RYR1: variants seen among roughly 807,000 people sequenced by gnomAD.
The protein encoded by RYR1 is central core disease of muscle.
Under a neutral mutation model 583.5 loss-of-function variants are expected in RYR1, and 342 were observed. That is an observed-to-expected ratio of 0.59 (90% CI 0.54 to 0.64). The LOEUF is 0.64. Among genes scored for constraint, RYR1 ranks in the 30% least tolerant of loss-of-function variants. The pLI, the probability that RYR1 is intolerant of heterozygous loss-of-function variation, is 0.00. For missense variants in RYR1, 6,032 were observed against 6,917.2 expected (o/e 0.87, Z 4.54); for synonymous variants, 2,791 against 2,822.5 (o/e 0.99, Z 0.35).
In RYR1 at chr19:38,490,608, G is replaced by C; in HGVS notation, c.6016-13G>C. On this transcript the variant is annotated splice_polypyrimidine_tract_variant and intron_variant, in intron 36 of 105. Coordinates refer to ENST00000359596, the MANE Select transcript of RYR1 (RefSeq NM_000540.3). ...ATCTCAGACCCTCATTCTAATCTTTGACCTTCCCCTAGATCAATATGCTAT... is the reference window on the plus strand; with the variant it reads ...ATCTCAGACCCTCATTCTAATCTTTCACCTTCCCCTAGATCAATATGCTAT... The C allele has an allele frequency of 6.5e-7, 1 of 1,542,290 alleles. No individual in the cohort carries two copies.
At chr19:38,513,984 A>AT (rs1370338742) in intron 63 of RYR1, among the ~76,000 whole-genome samples, 1 of 151,988 alleles carries the variant, frequency 6.6e-6, no homozygotes, top group Non-Finnish European at 1.5e-5. Context: ...AATGTCTTTG[A>AT]TTTTTTTAAA....
chr19:38,436,835 C>G (rs1010775004), intron 1 of RYR1, among the ~76,000 whole-genome samples: 2 of 152,064 alleles, frequency 1.3e-5, no homozygotes, highest in Non-Finnish European at 2.9e-5. Flanking sequence ...ACAGCCCCCC[C>G]AAACTGATTT....
At position 38,565,278 on chromosome 19, in the gene RYR1, G is replaced by T. The variant is rs1013126996; in HGVS notation, c.12944G>T (p.Arg4315Leu). ...GGCCTCAGCTACCGCAGCCTGCGGC[G>T]GCGCGTGCGGCGGCTGCGGCGGCTT... ...LRGLSYRSLR[R>L]RVRRLRRLTA... Residue 4315 changes from arginine to leucine, a missense_variant, in exon 91 of 106, where the codon CGG (arginine) becomes CTG (leucine). Physicochemically the swap from Arg to Leu is moderately radical, Grantham distance 102. This residue lies in a region of RYR1 where 753 missense variants were observed against 759.6 expected (regional missense o/e 0.99). Transcript: ENST00000359596. This position sits in a 1 kb window ranked among gnomAD's most constrained non-coding sequence, Gnocchi z 4.7. 1 of 999,438 alleles carries T rather than the reference G, an allele frequency of 1.0e-6. No individual in the cohort carries two copies. Among genetic ancestry groups the T allele is most frequent in the Non-Finnish European group, 1.2e-6 (1 of 840,914 alleles). The allele number at this position is 999,438 out of a possible 1,614,324, so 61.9% of individuals were successfully genotyped here.
At chr19:38,539,163 T>G (rs563539252) in intron 84 of RYR1, among the ~76,000 whole-genome samples, 1 of 152,274 alleles carries the variant, frequency 6.6e-6, no homozygotes, top group South Asian at 2.1e-4. Flanking sequence ...TCTTGAATTT[T>G]CAAAAGCTCT....
chr19:38,477,499 G>A (rs1184650320), intron 29 of RYR1, among the ~76,000 whole-genome samples: 1 of 152,148 alleles, frequency 6.6e-6, no homozygotes, highest in East Asian at 1.9e-4. Context: ...ATATGGCACT[G>A]TCACACAATA....
Position 38,466,227 on chromosome 19 carries a change from G to C in RYR1, c.3007G>C (p.Gly1003Arg). The C allele has an allele frequency of 6.2e-7, 1 of 1,613,460 alleles. No homozygotes were observed. The highest frequency in any genetic ancestry group is 8.5e-7 in the Non-Finnish European group (1 of 1,179,972). ...NVWARDRVGQ[G>R]WSYSAVQDIP... Reference sequence around the variant, plus strand: ...GTGGGCCCGAGACCGCGTGGGCCAGGGCTGGAGCTACAGCGCAGTGCAGGA... The same window carrying C: ...GTGGGCCCGAGACCGCGTGGGCCAGCGCTGGAGCTACAGCGCAGTGCAGGA... The change falls in exon 24 of 106, where the codon GGC becomes CGC. Residue 1003 changes from glycine (G) to arginine (R), a missense_variant. By Grantham distance (125) the Gly-to-Arg change is moderately radical. Around this residue, in one of 11 missense-constraint regions of RYR1, gnomAD observed 2,627 missense variants for 2,961.3 expected, o/e 0.89. Transcript: ENST00000359596.
intron 101 of RYR1, among the ~76,000 whole-genome samples, chr19:38,583,112 C>T (rs1019282125): frequency 6.6e-6 from 1 of 152,068 alleles, no homozygotes; most frequent in East Asian, 1.9e-4. Context: ...GTCTGGCCAA[C>T]GTGGTGAAAC....
In RYR1 at chr19:38,579,777, G is replaced by T. The variant is rs73933026; in HGVS notation, c.14365-205G>T. On this transcript the variant is annotated intron_variant, in intron 99 of 105. Transcript: ENST00000359596. ...GGCTCCCTCAGTGTGCCCTTAGATTGCCAGATTATTTCCTTCTGGAGGGGG... is the reference window on the plus strand; with the variant it reads ...GGCTCCCTCAGTGTGCCCTTAGATTTCCAGATTATTTCCTTCTGGAGGGGG... Among the ~76,000 whole-genome samples, 1,446 of 152,044 alleles carry T rather than the reference G, an allele frequency of 9.5e-3. 22 individuals carry two copies. The highest frequency in any genetic ancestry group is 0.033 in the African/African-American group (1,381 of 41,468).
chr19:38,554,239 G>A, intron 89 of RYR1, among the ~76,000 whole-genome samples: 1 of 149,254 alleles, frequency 6.7e-6, no homozygotes. Context: ...ATCACCTGAG[G>A]TCAGGAGTTC....
intron 95 of RYR1, 30 bp downstream of exon 95, chr19:38,572,300 G>C (rs757145648): frequency 1.6e-5 from 25 of 1,596,120 alleles, no homozygotes; most frequent in Middle Eastern, 1.8e-4. Context: ...TCTGGGGCAA[G>C]GGCTTATTGG....
At chr19:38,469,622 A>G in intron 27 of RYR1, 109 bp downstream of exon 27, 4 of 1,165,536 alleles carry the variant, frequency 3.4e-6, no homozygotes, top group Non-Finnish European at 5.0e-6. Context: ...CACAAACCAC[A>G]TGGAAGCAAG....
chr19:38,576,091 C>T, intron 97 of RYR1, 130 bp downstream of exon 97: 3 of 966,688 alleles, frequency 3.1e-6, no homozygotes, highest in Admixed American at 1.8e-5. Flanking sequence ...TGAGTAGCAC[C>T]TCAGTTTCCC....
intron 38 of RYR1, among the ~76,000 whole-genome samples, chr19:38,493,481 T>G (rs576551700): frequency 6.6e-6 from 1 of 151,198 alleles, no homozygotes; most frequent in Admixed American, 6.6e-5. Flanking sequence ...TCAAAGCCCC[T>G]GCCCACGAGT....
chr19:38,559,228 CTTTTTTTTTT>C (rs34239565), intron 89 of RYR1, among the ~76,000 whole-genome samples: 2 of 101,304 alleles, frequency 2.0e-5, no homozygotes, highest in African/African-American at 3.9e-5. Flanking sequence ...AGGTGGGCTT[CTTTTTTTTTT>C]TTTTTTTTTT....
intron 73 of RYR1, 134 bp downstream of exon 73, chr19:38,527,918 T>G (rs1408021463): frequency 9.5e-7 from 1 of 1,051,004 alleles, no homozygotes; most frequent in African/African-American, 1.6e-5. Context: ...GAGCCTCGAG[T>G]TTAAGGCGAG....
In RYR1 at chr19:38,565,017, A is replaced by C. The variant is rs1245026251; in HGVS notation, c.12683A>C (p.Glu4228Ala). Residue 4228 changes from glutamate (E) to alanine (A), a missense_variant, in exon 91 of 106, where the codon GAG (glutamate) becomes GCG (alanine). Glu to Ala is a moderately radical substitution (Grantham distance 107). This residue lies in a region of RYR1 where 753 missense variants were observed against 759.6 expected (regional missense o/e 0.99). Transcript: ENST00000359596. The surrounding 1 kb of genome is among the most constrained non-coding windows in gnomAD (Gnocchi z 4.7). The stretch of plus-strand genomic sequence containing the variant: ...GTGGTGAACGAGGGCGGCGAGGCTG[A>C]GAAGATGGAGCTCTTCGTGAGTTTC... The part of the protein sequence containing the change: ...FDVVNEGGEA[E>A]KMELFVSFCE... The C allele has an allele frequency of 1.9e-6, 3 of 1,591,214 alleles. No individual in the cohort carries two copies. Among genetic ancestry groups the C allele is most frequent in the South Asian group, 1.1e-5 (1 of 87,142 alleles).
intron 84 of RYR1, among the ~76,000 whole-genome samples, chr19:38,540,887 A>G (rs2145765800): frequency 7.3e-6 from 1 of 136,890 alleles, no homozygotes; most frequent in South Asian, 2.5e-4. Context: ...ATCATATACT[A>G]CAGTGTAATA....
chr19:38,548,492 G>A, intron 89 of RYR1, 72 bp downstream of exon 89: 1 of 1,442,820 alleles, frequency 6.9e-7, no homozygotes, highest in East Asian at 2.3e-5. Context: ...CCTTCTGGCT[G>A]GCTGCCTCAG....
intron 20 of RYR1, among the ~76,000 whole-genome samples, chr19:38,461,637 G>A (rs568048742): frequency 1.3e-5 from 2 of 151,026 alleles, no homozygotes; most frequent in South Asian, 4.2e-4. Flanking sequence ...GAGATGGGAG[G>A]GTCACTTGAG....
Sources: gnomAD v4.1 joint callset for allele counts (sites outside exome capture counted in the v4.1 genomes callset) on GRCh38, gnomAD v4.1.1 for gene constraint, gnomAD v4.1.1 regional missense constraint, Gnocchi (gnomAD v3.1) non-coding constraint, MANE v1.5 for transcripts, NCBI Gene and HGNC (gene_info 2026-07-23, HGNC 2026-07-21) for gene names.